The following STRN3 variants were observed in gnomAD, a reference collection of about 807,000 sequenced individuals.
The protein encoded by STRN3 is striatin-3.
STRN3 carries 29 observed loss-of-function variants against 95.6 expected under a neutral mutation model. That is an observed-to-expected ratio of 0.30 (90% confidence interval 0.23 to 0.41). The LOEUF (loss-of-function observed/expected upper bound fraction) is 0.41, where lower values mean the gene tolerates loss of function less well. Ranked by LOEUF, STRN3 falls within the 10% of genes least tolerant of loss-of-function variation. The pLI is 1.00. For missense variants in STRN3, 890 were observed against 972.1 expected (o/e 0.92, Z 1.12); for synonymous variants, 331 against 357.6 (o/e 0.93, Z 0.84).
intron 7 of STRN3, among the ~76,000 whole-genome samples, chr14:30,933,742 TAGA>T (rs940371685): frequency 2.0e-5 from 3 of 152,192 alleles, no homozygotes; most frequent in Admixed American, 6.5e-5. Flanking sequence ...TATTTCCACT[TAGA>T]AGAAGAAAGA....
intron 8 of STRN3, among the ~76,000 whole-genome samples, chr14:30,922,057 A>T (rs569834165): frequency 5.3e-5 from 8 of 151,106 alleles, no homozygotes; most frequent in East Asian, 1.9e-4. Flanking sequence ...TGGCTAATTT[A>T]AAAAAAAATT....
At chr14:30,956,563 T>A (rs1281568757) in intron 1 of STRN3, among the ~76,000 whole-genome samples, 1 of 152,124 alleles carries the variant, frequency 6.6e-6, no homozygotes, top group African/African-American at 2.4e-5. Context: ...GAGGAGACTC[T>A]GTCTCAAACA....
chr14:30,975,543 A>G (rs1881051751), intron 1 of STRN3, among the ~76,000 whole-genome samples: 2 of 74,806 alleles, frequency 2.7e-5, no homozygotes, highest in African/African-American at 8.8e-5. Flanking sequence ...CCCCCTACTG[A>G]AAAAAAAAAA....
chr14:30,929,299 A>G lies in STRN3; in HGVS notation c.1001T>C (p.Leu334Pro), dbSNP rs753818322. ...GDGTEWDKDD[L>P]SPTAEVWDVD... ...ATCCCAAACCTCAGCAGTTGGGGAG[A>G]GGTCATCTTTATCTACATGCAGCAT... The change falls in exon 8 of 18, where the codon CTC becomes CCC. Residue 334 changes from leucine (L) to proline (P), a missense_variant. Around this residue, in one of 3 missense-constraint regions of STRN3, gnomAD observed 526 missense variants for 526.3 expected, o/e 1.00. Transcript: ENST00000357479. 2.5e-6 allele frequency: 4 copies of G among 1,612,786 alleles called. No homozygotes were observed. The highest frequency in any genetic ancestry group is 3.4e-6 in the Non-Finnish European group (4 of 1,179,498).
chr14:30,993,517 C>A (rs1348028824), intron 1 of STRN3, among the ~76,000 whole-genome samples: 1 of 152,158 alleles, frequency 6.6e-6, no homozygotes, highest in Non-Finnish European at 1.5e-5. Context: ...TGGAGTGAAT[C>A]TTTGAAGACT....
intron 7 of STRN3, among the ~76,000 whole-genome samples, 153 bp downstream of exon 7, chr14:30,935,010 C>T (rs1394098722): frequency 6.6e-6 from 1 of 152,124 alleles, no homozygotes. Flanking sequence ...TAAATTGGTA[C>T]AAAATACCTT....
intron 9 of STRN3, among the ~76,000 whole-genome samples, chr14:30,916,283 G>T (rs1203662108): frequency 9.0e-4 from 128 of 142,356 alleles, no homozygotes; most frequent in Middle Eastern, 3.6e-3. Flanking sequence ...AGTTTTTTTG[G>T]TTTTTTTTTT....
At chr14:30,959,757 C>G (rs533739940) in intron 1 of STRN3, among the ~76,000 whole-genome samples, 1 of 151,674 alleles carries the variant, frequency 6.6e-6, no homozygotes, top group Non-Finnish European at 1.5e-5. Flanking sequence ...CCAGGGACTT[C>G]GAGACCAGCC....
intron 9 of STRN3, among the ~76,000 whole-genome samples, chr14:30,917,987 G>A (rs1035316010): frequency 6.6e-6 from 1 of 152,006 alleles, no homozygotes; most frequent in African/African-American, 2.4e-5. Context: ...TAGACTTAGA[G>A]TTATACATGA....
At chr14:30,969,196 G>T (rs1292517772) in intron 1 of STRN3, among the ~76,000 whole-genome samples, 4 of 152,196 alleles carry the variant, frequency 2.6e-5, no homozygotes, top group Non-Finnish European at 5.9e-5. Flanking sequence ...AGCACTTTGG[G>T]AGGCCGAGGA....
chr14:31,014,305 C>G (rs1454836253), intron 1 of STRN3, among the ~76,000 whole-genome samples: 1 of 152,022 alleles, frequency 6.6e-6, no homozygotes, highest in African/African-American at 2.4e-5. Flanking sequence ...ACTGCAACCT[C>G]CGCCTCCCGG....
rs149268269 is a variant in STRN3 at position 30,997,187 on chromosome 14, A to G, written c.282+28717T>C. 5.0e-3 allele frequency among the ~76,000 whole-genome samples: 759 copies of G among 152,292 alleles called. 21 individuals carry two copies. The highest frequency in any genetic ancestry group is 0.045 in the Admixed American group (685 of 15,292). On this transcript the variant is annotated intron_variant, in intron 1 of 17. Transcript: ENST00000357479. ...ATTAAGGCCTGCATGGAAAAAGGAA[A>G]TAACAGGGACGCTGAAAAATGGGAG...
At chr14:31,010,329 A>C (rs1408573909) in intron 1 of STRN3, among the ~76,000 whole-genome samples, 2 of 150,144 alleles carry the variant, frequency 1.3e-5, no homozygotes, top group Non-Finnish European at 3.0e-5. Context: ...TGCTGCACCC[A>C]TTAACTCGTC....
At chr14:31,025,675 G>A (rs1883809296) in intron 1 of STRN3, 2 of 660,486 alleles carry the variant, frequency 3.0e-6, no homozygotes, top group East Asian at 3.1e-5. Flanking sequence ...GCTGCCCCGA[G>A]GAGGCCCGCA....
chr14:30,921,071 T>TACACACACACACACACACAC (rs921860938), intron 8 of STRN3, among the ~76,000 whole-genome samples: 1 of 116,580 alleles, frequency 8.6e-6, no homozygotes, highest in African/African-American at 3.2e-5. Context: ...CACATACATA[T>TACACACACACACACACACAC]ACACACACAC....
chr14:30,900,002 G>T (rs561391840), intron 16 of STRN3, among the ~76,000 whole-genome samples: 5 of 152,206 alleles, frequency 3.3e-5, no homozygotes, highest in Admixed American at 1.3e-4. Context: ...ACCGGAAACA[G>T]CAGTTACGGG....
intron 9 of STRN3, among the ~76,000 whole-genome samples, chr14:30,915,916 A>T (rs937300205): frequency 2.0e-5 from 3 of 152,228 alleles, no homozygotes; most frequent in Admixed American, 1.3e-4. Flanking sequence ...AATTGTACTT[A>T]ACAAAAAATT....
intron 1 of STRN3, among the ~76,000 whole-genome samples, chr14:30,977,089 G>C (rs1264307563): frequency 6.6e-6 from 1 of 152,132 alleles, no homozygotes; most frequent in Non-Finnish European, 1.5e-5. Context: ...CGCTGGGTAT[G>C]GTGGTGGGTG....
chr14:30,933,399 T>C (rs1878655339), intron 7 of STRN3, among the ~76,000 whole-genome samples: 2 of 150,078 alleles, frequency 1.3e-5, no homozygotes. Flanking sequence ...TATATATACA[T>C]ATACTTATAA....
Sources: allele counts gnomAD v4.1 joint callset (sites outside exome capture counted in the v4.1 genomes callset), GRCh38; gene constraint gnomAD v4.1.1; regional missense constraint gnomAD v4.1.1; transcripts MANE v1.5; gene names NCBI Gene and HGNC (gene_info 2026-07-23, HGNC 2026-07-21).